GABRA3: variants seen among roughly 807,000 people sequenced by gnomAD.
GABRA3 encodes the protein gamma-aminobutyric acid type A receptor subunit alpha3.
In GABRA3, 10 loss-of-function variants were observed where a neutral mutation model predicts 30.1. The ratio of observed to expected loss-of-function variants is 0.33; its 90% confidence interval spans 0.20 to 0.56. GABRA3 has a LOEUF of 0.56. Ranked by LOEUF, GABRA3 falls within the 20% of genes least tolerant of loss-of-function variation. GABRA3 has a pLI of 0.89. For missense variants in GABRA3, 233 were observed against 392.0 expected (o/e 0.59, Z 3.42); for synonymous variants, 151 against 146.8 (o/e 1.03, Z -0.21).
At position 152,232,786 on chromosome X, in the gene GABRA3, T is replaced by G. The variant is rs755050934; in HGVS notation, c.552-7941A>C. Among the ~76,000 whole-genome samples the G allele has an allele frequency of 7.3e-5, 8 of 110,133 alleles. No homozygotes were observed. In the East Asian group the frequency reaches 2.3e-3, roughly 32 times the overall value. ...AACAGTGCTGCAATAAACATCCAAG[T>G]ACAAATATCATTTTGATATAATGAT... On this transcript the variant is annotated intron_variant, in intron 5 of 9. Coordinates refer to ENST00000370314, the MANE Select transcript of GABRA3 (RefSeq NM_000808.4).
intron 4 of GABRA3, among the ~76,000 whole-genome samples, chrX:152,268,238 G>A (rs1001076255): frequency 1.8e-5 from 2 of 111,208 alleles, no homozygotes; most frequent in African/African-American, 6.6e-5. Context: ...GTTTTGCTCT[G>A]TGTCCCCACC....
At chrX:152,178,218 G>A (rs1472943882) in intron 9 of GABRA3, among the ~76,000 whole-genome samples, 1 of 108,856 alleles carries the variant, frequency 9.2e-6, no homozygotes, top group Non-Finnish European at 1.9e-5. Context: ...CAAACCACAG[G>A]TATTCCAGAA....
At chrX:152,241,648 A>G (rs1171193387) in intron 5 of GABRA3, among the ~76,000 whole-genome samples, 3 of 108,989 alleles carry the variant, frequency 2.8e-5, no homozygotes, top group Non-Finnish European at 5.8e-5. Context: ...TGTGCTAGCA[A>G]TCAGCGAGAT....
intron 5 of GABRA3, among the ~76,000 whole-genome samples, chrX:152,231,914 C>A (rs1938088326): frequency 9.0e-6 from 1 of 111,561 alleles, no homozygotes; most frequent in African/African-American, 3.3e-5. Context: ...AAATGTCGCA[C>A]ACTGTATGAT....
At chrX:152,240,636 C>G (rs1456253362) in intron 5 of GABRA3, among the ~76,000 whole-genome samples, 1 of 98,410 alleles carries the variant, frequency 1.0e-5, no homozygotes, top group Non-Finnish European at 2.0e-5. Context: ...GTACATCAAT[C>G]AGACGTAGAT....
intron 2 of GABRA3, among the ~76,000 whole-genome samples, chrX:152,359,120 G>A (rs1928404932): frequency 9.0e-6 from 1 of 111,617 alleles, no homozygotes; most frequent in Admixed American, 9.5e-5. Flanking sequence ...TGGAATAGTT[G>A]CAGTAGGAAT....
intron 1 of GABRA3, among the ~76,000 whole-genome samples, chrX:152,388,039 G>A (rs930588667): frequency 1.8e-5 from 2 of 111,903 alleles, no homozygotes; most frequent in African/African-American, 6.5e-5. Flanking sequence ...AAAATAAATT[G>A]AATGTGCATA....
intron 5 of GABRA3, among the ~76,000 whole-genome samples, chrX:152,239,255 A>G (rs1457186546): frequency 9.6e-6 from 1 of 103,643 alleles, no homozygotes; most frequent in Admixed American, 1.1e-4. Context: ...TTATGTACCC[A>G]GTAGTCATTC....
chrX:152,220,071 T>C (rs1937803196), intron 6 of GABRA3, among the ~76,000 whole-genome samples: 1 of 111,681 alleles, frequency 9.0e-6, no homozygotes, highest in South Asian at 3.7e-4. Flanking sequence ...ACTATTAATA[T>C]TTTTATTTAT....
chrX:152,450,850 G>C (rs1931203575), intron 1 of GABRA3, among the ~76,000 whole-genome samples: 1 of 112,631 alleles, frequency 8.9e-6, no homozygotes, highest in South Asian at 3.6e-4. Flanking sequence ...CAAGGTCAGT[G>C]CTGACCTGCT....
At chrX:152,369,765 A>T (rs1928781661) in intron 1 of GABRA3, among the ~76,000 whole-genome samples, 2 of 111,074 alleles carry the variant, frequency 1.8e-5, no homozygotes, top group African/African-American at 6.6e-5. Context: ...TGTTTCTCAG[A>T]TAGAAAAGCT....
intron 3 of GABRA3, among the ~76,000 whole-genome samples, chrX:152,291,560 T>TC (rs1251003740): frequency 1.8e-5 from 2 of 111,063 alleles, no homozygotes; most frequent in Admixed American, 1.9e-4. Flanking sequence ...TGAATAGGAG[T>TC]GGTGGGAGAG....
intron 5 of GABRA3, among the ~76,000 whole-genome samples, chrX:152,240,751 TC>T (rs200415614): frequency 0.021 from 2,078 of 101,232 alleles, 110 homozygotes; most frequent in Admixed American, 0.13. Flanking sequence ...CATTTCATCT[TC>T]CATTACTGAT....
At chrX:152,264,482 C>T (rs1938786964) in intron 4 of GABRA3, among the ~76,000 whole-genome samples, 1 of 110,715 alleles carries the variant, frequency 9.0e-6, no homozygotes, top group African/African-American at 3.3e-5. Context: ...AACCAAAAAC[C>T]ATACAATGGA....
chrX:152,240,982 T>C (rs1938351234), intron 5 of GABRA3, among the ~76,000 whole-genome samples: 1 of 105,342 alleles, frequency 9.5e-6, no homozygotes, highest in African/African-American at 3.5e-5. Context: ...TCTGAAGCCT[T>C]CTTCTCTCAG....
At chrX:152,265,187 G>A (rs762514291) in intron 4 of GABRA3, among the ~76,000 whole-genome samples, 5 of 111,392 alleles carry the variant, frequency 4.5e-5, no homozygotes, top group African/African-American at 1.6e-4. Flanking sequence ...AATGGTTGCA[G>A]AATACACATT....
chrX:152,316,247 G>C (rs1159266985), intron 3 of GABRA3, among the ~76,000 whole-genome samples: 3 of 110,130 alleles, frequency 2.7e-5, no homozygotes, highest in African/African-American at 9.9e-5. Flanking sequence ...AGAAAAAGCA[G>C]AAGAAAGCAC....
At chrX:152,388,870 A>G (rs896448466) in intron 1 of GABRA3, among the ~76,000 whole-genome samples, 2 of 112,118 alleles carry the variant, frequency 1.8e-5, no homozygotes, top group African/African-American at 6.5e-5. Flanking sequence ...CACTCAAACA[A>G]CTCTGCCACA....
chrX:152,217,654 G>C (rs1460934740), intron 6 of GABRA3, among the ~76,000 whole-genome samples: 2 of 110,849 alleles, frequency 1.8e-5, no homozygotes, highest in Non-Finnish European at 3.8e-5. Context: ...TATTTACTTA[G>C]TATAGGGTCA....
Sources: allele counts gnomAD v4.1 joint callset (sites outside exome capture counted in the v4.1 genomes callset), GRCh38; gene constraint gnomAD v4.1.1; transcripts MANE v1.5; gene names NCBI Gene and HGNC (gene_info 2026-07-23, HGNC 2026-07-21).